AUTS2: variants seen among roughly 807,000 people sequenced by gnomAD.
AUTS2 encodes the protein activator of transcription and developmental regulator AUTS2, also known as autism susceptibility gene 2 protein.
In AUTS2, 17 loss-of-function variants were observed where a neutral mutation model predicts 112.4. The ratio of observed to expected loss-of-function variants is 0.15; its 90% CI spans 0.10 to 0.23. AUTS2 has a LOEUF of 0.23. Ranked by LOEUF, AUTS2 falls within the 10% of genes least tolerant of loss-of-function variation. The pLI is 1.00. For missense variants in AUTS2, 1,510 were observed against 1,701.6 expected, an observed-to-expected ratio of 0.89 and a Z score of 1.98; for synonymous variants, 751 against 702.7, an observed-to-expected ratio of 1.07 and a Z score of -1.09.
intron 4 of AUTS2, among the ~76,000 whole-genome samples, chr7:70,430,828 CTTTT>C (rs745358887): frequency 7.4e-5 from 7 of 94,508 alleles, no homozygotes; most frequent in East Asian, 7.2e-4. Flanking sequence ...GCAGTGTCGC[CTTTT>C]TTTTTTTTTT....
At chr7:70,584,559 A>C (rs1585333981) in intron 5 of AUTS2, among the ~76,000 whole-genome samples, 1 of 152,258 alleles carries the variant, frequency 6.6e-6, no homozygotes, top group African/African-American at 2.4e-5. Flanking sequence ...ATGCCTAAAT[A>C]CAGAGCCAGA....
intron 4 of AUTS2, among the ~76,000 whole-genome samples, chr7:70,353,062 G>A (rs1419604547): frequency 6.6e-6 from 1 of 152,160 alleles, no homozygotes; most frequent in African/African-American, 2.4e-5. Flanking sequence ...ACTTGTCCCT[G>A]AGTCTGTTCT....
intron 5 of AUTS2, among the ~76,000 whole-genome samples, chr7:70,665,807 G>A (rs534138500): frequency 1.6e-4 from 25 of 152,220 alleles, no homozygotes; most frequent in Admixed American, 5.9e-4. Context: ...GTATTCTGCC[G>A]GGCCAACTGT....
intron 4 of AUTS2, among the ~76,000 whole-genome samples, chr7:70,224,708 A>G (rs1811676173): frequency 6.6e-6 from 1 of 152,184 alleles, no homozygotes; most frequent in South Asian, 2.1e-4. Context: ...ACCTAGAGCT[A>G]CTTCCAGTCC....
chr7:69,678,436 GT>G (rs1429392310), intron 1 of AUTS2, among the ~76,000 whole-genome samples: 2 of 152,136 alleles, frequency 1.3e-5, no homozygotes, highest in Non-Finnish European at 2.9e-5. Context: ...TCAGAATCAA[GT>G]TTCTCTTTTT....
At chr7:70,307,093 G>A (rs1485796257) in intron 4 of AUTS2, among the ~76,000 whole-genome samples, 1 of 152,122 alleles carries the variant, frequency 6.6e-6, no homozygotes, top group Non-Finnish European at 1.5e-5. Flanking sequence ...TATTGACTAT[G>A]GATGGTACTT....
At chr7:70,560,339 G>A (rs895384157) in intron 5 of AUTS2, among the ~76,000 whole-genome samples, 1 of 152,064 alleles carries the variant, frequency 6.6e-6, no homozygotes, top group African/African-American at 2.4e-5. Flanking sequence ...CTTACTGCCT[G>A]TCTGCTCCAT....
At chr7:69,895,729 TG>T (rs1158286293) in intron 1 of AUTS2, among the ~76,000 whole-genome samples, 2 of 152,228 alleles carry the variant, frequency 1.3e-5, no homozygotes, top group African/African-American at 4.8e-5. Flanking sequence ...AAAATGGATT[TG>T]GAAAAAATTA....
intron 3 of AUTS2, among the ~76,000 whole-genome samples, chr7:70,132,674 A>G (rs1397253261): frequency 6.6e-6 from 1 of 152,164 alleles, no homozygotes. Context: ...TCCCTGAGTA[A>G]TGTACAATAT....
chr7:69,673,817 A>G (rs1369573271), intron 1 of AUTS2, among the ~76,000 whole-genome samples: 1 of 152,230 alleles, frequency 6.6e-6, no homozygotes, highest in African/African-American at 2.4e-5. Context: ...GCTCCAGGGA[A>G]AAGGAGATTG....
At chr7:70,646,001 G>A (rs188157394) in intron 5 of AUTS2, among the ~76,000 whole-genome samples, 4 of 152,208 alleles carry the variant, frequency 2.6e-5, no homozygotes, top group East Asian at 3.9e-4. Context: ...TCACACCACC[G>A]TCATGCTTTA....
chr7:70,070,594 A>G (rs1802713258), intron 2 of AUTS2, among the ~76,000 whole-genome samples: 1 of 151,760 alleles, frequency 6.6e-6, no homozygotes, highest in South Asian at 2.1e-4. Flanking sequence ...GGCTAGGCGC[A>G]GTGGCTTACG....
intron 1 of AUTS2, among the ~76,000 whole-genome samples, chr7:69,653,548 C>G (rs1441094344): frequency 6.6e-6 from 1 of 152,064 alleles, no homozygotes; most frequent in East Asian, 1.9e-4. Flanking sequence ...GTACACACAC[C>G]TGAAGCAAGA....
chr7:69,871,376 C>T (rs1161212361), intron 1 of AUTS2, among the ~76,000 whole-genome samples: 5 of 152,256 alleles, frequency 3.3e-5, no homozygotes, highest in Middle Eastern at 3.4e-3. Flanking sequence ...ATAGGGTAGT[C>T]CCCCCTTTAT....
At chr7:70,789,724 C>T (rs1296827586) in intron 18 of AUTS2, 24 bp from the exon 19 acceptor site, 1 of 1,599,650 alleles carries the variant, frequency 6.3e-7, no homozygotes, top group Non-Finnish European at 8.5e-7. Context: ...CATCTGCGTC[C>T]TTGTCTTCCC....
intron 2 of AUTS2, among the ~76,000 whole-genome samples, chr7:70,003,733 T>G (rs1285993067): frequency 3.4e-4 from 43 of 124,894 alleles, no homozygotes; most frequent in Non-Finnish European, 5.6e-4. Flanking sequence ...TGAATATATA[T>G]AATATATATG....
intron 5 of AUTS2, among the ~76,000 whole-genome samples, chr7:70,593,737 A>G (rs1211369752): frequency 6.6e-6 from 1 of 152,222 alleles, no homozygotes; most frequent in African/African-American, 2.4e-5. Flanking sequence ...CACTGAGGGG[A>G]TGGGAAAGCT....
chr7:70,119,776 G>T (rs1182912444), intron 3 of AUTS2: 1 of 151,414 alleles, frequency 6.6e-6, no homozygotes, highest in African/African-American at 2.4e-5. Context: ...GCACTTCAGA[G>T]TGTCTGAGTA....
intron 4 of AUTS2, among the ~76,000 whole-genome samples, chr7:70,387,780 A>G (rs1465931176): frequency 1.3e-5 from 2 of 152,082 alleles, no homozygotes; most frequent in Non-Finnish European, 2.9e-5. Context: ...CTACTTCTCA[A>G]TGTCATTGCC....
Sources: gnomAD v4.1 joint callset for allele counts (sites outside exome capture counted in the v4.1 genomes callset) on GRCh38, gnomAD v4.1.1 for gene constraint, MANE v1.5 for transcripts, NCBI Gene and HGNC (gene_info 2026-07-23, HGNC 2026-07-21) for gene names.